The following WDR72 variants were observed in gnomAD, a reference collection of about 807,000 sequenced individuals.
WDR72 encodes the protein WD repeat domain 72, also known as WD repeat-containing protein 72.
Under a neutral mutation model 124.2 loss-of-function variants are expected in WDR72, and 120 were observed. The observed-to-expected ratio is 0.97, with a 90% CI of 0.83 to 1.12. WDR72 has a LOEUF of 1.12. Ranked by LOEUF, WDR72 falls within the 50% of genes most tolerant of loss-of-function variation. The pLI, the probability that WDR72 is intolerant of heterozygous loss-of-function variation, is 0.00. For synonymous variants in WDR72, 452 were observed against 441.7 expected (o/e 1.02, Z -0.29); for missense variants, 1,387 against 1,278.8 (o/e 1.08, Z -1.29).
chr15:53,709,482 C>A (rs1358230740), intron 9 of WDR72, among the ~76,000 whole-genome samples: 1 of 152,140 alleles, frequency 6.6e-6, no homozygotes, highest in Non-Finnish European at 1.5e-5. Flanking sequence ...CATGGTTATA[C>A]ATAACATTGA....
At chr15:53,726,360 C>T (rs1157018848) in intron 2 of WDR72, among the ~76,000 whole-genome samples, 1 of 70,634 alleles carries the variant, frequency 1.4e-5, no homozygotes, top group Non-Finnish European at 2.6e-5. Flanking sequence ...GGGAGGGGGG[C>T]GGGGCTGATC....
intron 12 of WDR72, among the ~76,000 whole-genome samples, chr15:53,700,654 A>G (rs2017143302): frequency 6.6e-6 from 1 of 152,114 alleles, no homozygotes. Context: ...CAGTTTGGAG[A>G]CCTTGAGACA....
chr15:53,616,994 T>C (rs995034121), intron 14 of WDR72, among the ~76,000 whole-genome samples: 5 of 151,952 alleles, frequency 3.3e-5, no homozygotes, highest in African/African-American at 9.7e-5. Context: ...GAATTTTGTA[T>C]GTTAGTTGCT....
chr15:53,638,683 G>T (rs1345555639), intron 14 of WDR72, among the ~76,000 whole-genome samples: 3 of 149,960 alleles, frequency 2.0e-5, no homozygotes, highest in Admixed American at 1.3e-4. Flanking sequence ...TATCAAGAAG[G>T]TATTATTTGT....
chr15:53,716,325 T>C (rs1285076113), intron 4 of WDR72, among the ~76,000 whole-genome samples: 1 of 152,200 alleles, frequency 6.6e-6, no homozygotes, highest in East Asian at 1.9e-4. Context: ...CAAGTATGTG[T>C]ATGTTTTGTA....
chr15:53,571,089 G>A (rs1367786778), intron 18 of WDR72, among the ~76,000 whole-genome samples: 5 of 151,970 alleles, frequency 3.3e-5, no homozygotes, highest in Non-Finnish European at 7.4e-5. Context: ...AAGCTAGACA[G>A]TAAGTACACA....
chr15:53,522,098 G>T (rs1891832914), intron 19 of WDR72, among the ~76,000 whole-genome samples: 1 of 152,050 alleles, frequency 6.6e-6, no homozygotes. Context: ...TTGGTGGAGT[G>T]AAGAGGACTG....
In WDR72 at chr15:53,613,764, G is replaced by GA. The variant is rs767767467; in HGVS notation, c.2781-8dup. 4 of 1,569,792 alleles carry GA rather than the reference G, an allele frequency of 2.5e-6. No individual in the cohort carries two copies. The highest frequency in any genetic ancestry group is 3.5e-6 in the Non-Finnish European group (4 of 1,141,534). On this transcript the variant is annotated splice_polypyrimidine_tract_variant and splice_region_variant and intron_variant, in intron 15 of 19. Coordinates refer to ENST00000360509, the MANE Select transcript of WDR72 (RefSeq NM_182758.4). The stretch of plus-strand genomic sequence containing the variant: ...ACTTTCCATTCTGAAAGAACTGTTA[G>GA]AAAAAAGATTGACAGCATATTACTA...
chr15:53,639,932 A>G (rs534946107), intron 14 of WDR72, among the ~76,000 whole-genome samples: 1 of 152,324 alleles, frequency 6.6e-6, no homozygotes, highest in African/African-American at 2.4e-5. Context: ...TTGAGCCTAA[A>G]AATACCAGAT....
intron 14 of WDR72, among the ~76,000 whole-genome samples, chr15:53,639,121 C>T (rs1333260378): frequency 3.9e-5 from 6 of 152,124 alleles, no homozygotes; most frequent in Non-Finnish European, 8.8e-5. Context: ...CTAGATACTA[C>T]CTTTTCTTTC....
chr15:53,647,140 T>C (rs1314781554), intron 14 of WDR72, among the ~76,000 whole-genome samples: 1 of 152,000 alleles, frequency 6.6e-6, no homozygotes, highest in African/African-American at 2.4e-5. Context: ...TATAACTCCA[T>C]GTGAAAAATG....
intron 18 of WDR72, among the ~76,000 whole-genome samples, chr15:53,555,787 C>T (rs1893908477): frequency 6.6e-6 from 1 of 152,062 alleles, no homozygotes; most frequent in Admixed American, 6.6e-5. Flanking sequence ...CAGCCCTTTA[C>T]TGTAGTATTA....
At chr15:53,669,512 A>C (rs1274459834) in intron 13 of WDR72, among the ~76,000 whole-genome samples, 1 of 152,096 alleles carries the variant, frequency 6.6e-6, no homozygotes, top group Non-Finnish European at 1.5e-5. Flanking sequence ...TCATATTCAA[A>C]TTCTTTATGA....
chr15:53,740,659 T>C lies in WDR72; in HGVS notation c.-12-7498A>G, dbSNP rs183865390. On this transcript the variant is annotated intron_variant, in intron 1 of 19. Coordinates refer to ENST00000360509, the MANE Select transcript of WDR72 (RefSeq NM_182758.4). ...GGGAATCATTTCTTAATCACTCATC[T>C]ATTCCCTACAATGCCTGAAGAACAG... Among the ~76,000 whole-genome samples, 21 of 152,362 alleles carry C rather than the reference T, an allele frequency of 1.4e-4. No homozygotes were observed. The East Asian group carries it at 3.9e-3, about 28-fold the overall frequency.
At chr15:53,723,951 C>A (rs1306467124) in intron 2 of WDR72, among the ~76,000 whole-genome samples, 1 of 152,068 alleles carries the variant, frequency 6.6e-6, no homozygotes, top group Admixed American at 6.6e-5. Context: ...CGACTGTATA[C>A]ACAATGGAAT....
At chr15:53,720,815 T>C (rs1393087697) in intron 3 of WDR72, among the ~76,000 whole-genome samples, 1 of 152,128 alleles carries the variant, frequency 6.6e-6, no homozygotes, top group East Asian at 1.9e-4. Flanking sequence ...ATCCTAGAAT[T>C]TTCTGTGATT....
rs184236609 is a variant in WDR72 at position 53,708,261 on chromosome 15, A to G, written c.955-2187T>C. Among the ~76,000 whole-genome samples the G allele has an allele frequency of 2.8e-4, 42 of 152,326 alleles. 1 individual carries two copies. The highest frequency in any genetic ancestry group is 1.0e-3 in the African/African-American group (42 of 41,582). On this transcript the variant is annotated intron_variant, in intron 9 of 19. Coordinates refer to ENST00000360509, the MANE Select transcript of WDR72 (RefSeq NM_182758.4). ...GAAATCCCTGGGGCTAACTGCCTGG[A>G]TTTAAATCCTGGCTTTACCACATCC...
upstream of WDR72, among the ~76,000 whole-genome samples, chr15:53,762,076 C>A (rs1433132076): frequency 6.6e-6 from 1 of 151,958 alleles, no homozygotes; most frequent in Non-Finnish European, 1.5e-5. Flanking sequence ...CTATTGGCTC[C>A]TTAGTCTTGG....
chr15:53,715,047 C>T, intron 5 of WDR72, 146 bp downstream of exon 5: 1 of 868,344 alleles, frequency 1.2e-6, no homozygotes, highest in South Asian at 1.8e-5. Context: ...TTTTCTTGAT[C>T]AGGTGTATTA....
Sources: allele counts gnomAD v4.1 joint callset (sites outside exome capture counted in the v4.1 genomes callset), GRCh38; gene constraint gnomAD v4.1.1; transcripts MANE v1.5; gene names NCBI Gene and HGNC (gene_info 2026-07-23, HGNC 2026-07-21).